The following CASD1 variants were observed in gnomAD, a reference collection of about 807,000 sequenced individuals.
CASD1 encodes N-acetylneuraminate (7)9-O-acetyltransferase.
CASD1 carries 41 observed loss-of-function variants against 100.0 expected under a neutral mutation model. The ratio of observed to expected loss-of-function variants is 0.41; its 90% CI spans 0.32 to 0.53. The LOEUF (loss-of-function observed/expected upper bound fraction) is 0.53, where lower values mean the gene tolerates loss of function less well. CASD1 is among the 20% of genes least tolerant of loss of function. The pLI is 0.25. For missense variants in CASD1, 774 were observed against 948.7 expected (o/e 0.82, Z 2.42); for synonymous variants, 321 against 315.6 (o/e 1.02, Z -0.18).
intron 16 of CASD1, chr7:94,554,261 G>A: frequency 2.7e-6 from 1 of 369,328 alleles, no homozygotes; most frequent in East Asian, 4.3e-5. Flanking sequence ...TACTTAAAAT[G>A]TTCATTGGTA....
rs545281673 is a variant in CASD1, at chr7:94,513,163, CTCT to C, written c.133+2955_133+2957del. 6.4e-3 allele frequency among the ~76,000 whole-genome samples: 976 copies of C among 152,084 alleles called. 2 individuals carry two copies. The highest frequency in any genetic ancestry group is 0.01 in the Non-Finnish European group (687 of 68,014). ...ACCAGCGTGGCCAACATGGTGAAAC[CTCT>C]TCTTCTTCAATTAGCTGGGCGTGGT... On this transcript the variant is annotated intron_variant, in intron 1 of 17. Transcript: ENST00000297273.
the CASD1 span, among the ~76,000 whole-genome samples, chr7:94,577,209 G>C: frequency 6.6e-6 from 1 of 151,994 alleles, no homozygotes; most frequent in Non-Finnish European, 1.5e-5. Context: ...TTGATTCTTT[G>C]CACCTTTATA....
the CASD1 span, chr7:94,585,350 T>C: frequency 1.6e-6 from 1 of 616,072 alleles, no homozygotes; most frequent in Non-Finnish European, 2.9e-6. Flanking sequence ...AAATGAAAGT[T>C]ATGTTGTATT....
At chr7:94,626,360 A>C in the CASD1 span, 1 of 152,212 alleles carries the variant, frequency 6.6e-6, no homozygotes, top group South Asian at 2.1e-4. Context: ...CATAGGTCAA[A>C]GAGATTTTTC....
At chr7:94,612,544 A>G in the CASD1 span, among the ~76,000 whole-genome samples, 32 of 152,178 alleles carry the variant, frequency 2.1e-4, no homozygotes, top group African/African-American at 7.7e-4. Context: ...TTATTCCGCA[A>G]TTATTTCAGA....
At chr7:94,534,072 G>C (rs1031786117) in intron 7 of CASD1, among the ~76,000 whole-genome samples, 1 of 150,724 alleles carries the variant, frequency 6.6e-6, no homozygotes, top group Non-Finnish European at 1.5e-5. Flanking sequence ...AAACGCAAAT[G>C]ACATGTGGTA....
intron 5 of CASD1, among the ~76,000 whole-genome samples, chr7:94,531,681 T>A (rs945758497): frequency 6.6e-6 from 1 of 152,182 alleles, no homozygotes; most frequent in African/African-American, 2.4e-5. Context: ...TTCTCTATAT[T>A]TGTAGTATTT....
chr7:94,539,154 CAGTT>C (rs1376859723), intron 10 of CASD1, 98 bp downstream of exon 10: 1 of 529,624 alleles, frequency 1.9e-6, no homozygotes, highest in East Asian at 3.2e-5. Context: ...TAATCTCTAC[CAGTT>C]ATAGACCCTT....
At chr7:94,514,050 C>T (rs1793851018) in intron 1 of CASD1, among the ~76,000 whole-genome samples, 3 of 151,946 alleles carry the variant, frequency 2.0e-5, no homozygotes, top group Admixed American at 6.6e-5. Context: ...AAGGATAGTT[C>T]CAATCTGGAT....
chr7:94,574,806 T>C, the CASD1 span, among the ~76,000 whole-genome samples: 1 of 152,000 alleles, frequency 6.6e-6, no homozygotes, highest in Non-Finnish European at 1.5e-5. Context: ...CCGCCTCTAC[T>C]AAAAATACAA....
intron 10 of CASD1, among the ~76,000 whole-genome samples, chr7:94,542,660 T>C (rs1271472510): frequency 6.6e-6 from 1 of 152,196 alleles, no homozygotes; most frequent in Non-Finnish European, 1.5e-5. Flanking sequence ...AGGATCATTA[T>C]AGCAGTTAAT....
At chr7:94,618,417 A>G in the CASD1 span, 1 of 223,512 alleles carries the variant, frequency 4.5e-6, no homozygotes, top group Non-Finnish European at 8.7e-6. Context: ...CAGTCTGTGC[A>G]TCCTTCTGCA....
At chr7:94,514,324 G>A (rs1485711893) in intron 1 of CASD1, among the ~76,000 whole-genome samples, 5 of 152,018 alleles carry the variant, frequency 3.3e-5, no homozygotes, top group Admixed American at 2.6e-4. Context: ...CTTGTCTAAC[G>A]ATAAATCTTA....
chr7:94,583,029 A>G, the CASD1 span, among the ~76,000 whole-genome samples: 1 of 152,182 alleles, frequency 6.6e-6, no homozygotes, highest in Non-Finnish European at 1.5e-5. Flanking sequence ...CTTAATTGGT[A>G]TGGTCAAGAT....
chr7:94,584,660 T>A, the CASD1 span, among the ~76,000 whole-genome samples: 5,193 of 152,302 alleles, frequency 0.034, 119 homozygotes, highest in South Asian at 0.07. Flanking sequence ...TAGTCCAGTC[T>A]GCAAGGAAAG....
At chr7:94,601,245 C>G in the CASD1 span, among the ~76,000 whole-genome samples, 1 of 151,324 alleles carries the variant, frequency 6.6e-6, no homozygotes, top group Non-Finnish European at 1.5e-5. Context: ...TTTACCAAAC[C>G]TAAAACTGGC....
the CASD1 span, chr7:94,625,143 G>C: frequency 2.6e-5 from 4 of 151,800 alleles, no homozygotes; most frequent in Admixed American, 2.0e-4. Flanking sequence ...CTAAAACAGA[G>C]CTGATCTATT....
chr7:94,521,855 G>A (rs745726812), intron 3 of CASD1, among the ~76,000 whole-genome samples: 7 of 152,188 alleles, frequency 4.6e-5, no homozygotes, highest in Non-Finnish European at 7.3e-5. Context: ...GGAGGCCGAA[G>A]CGGGTGGATC....
chr7:94,509,870 G>A lies in CASD1; in HGVS notation c.-215G>A, dbSNP rs1293786188. ...GCGGAGCAGCGGCGGCGGGGCTGGG[G>A]GGAGGCCGCCGAGTCGGCCGCGGCC... is the stretch of plus-strand genomic sequence containing the variant. On this transcript the variant is annotated 5_prime_UTR_variant, in exon 1 of 18. Transcript: ENST00000297273. The A allele has an allele frequency of 9.7e-7, 1 of 1,028,938 alleles. No homozygotes were observed. Among genetic ancestry groups the A allele is most frequent in the Non-Finnish European group, 1.2e-6 (1 of 859,230 alleles). The allele number at this position is 1,028,938 out of a possible 1,614,324, so 63.7% of individuals were successfully genotyped here. A position where few individuals can be genotyped will look rare whatever the true frequency, so the allele number is the denominator to read the frequency against.
Sources: allele counts gnomAD v4.1 joint callset (sites outside exome capture counted in the v4.1 genomes callset), GRCh38; gene constraint gnomAD v4.1.1; transcripts MANE v1.5; gene names NCBI Gene and HGNC (gene_info 2026-07-23, HGNC 2026-07-21).